The following FGF12 variants were observed in gnomAD, a reference collection of about 807,000 sequenced individuals.
The protein encoded by FGF12 is fibroblast growth factor 12, also known as fibroblast growth factor 12B.
A neutral mutation model predicts 23.6 loss-of-function variants in FGF12; 14 were observed. That is an observed-to-expected ratio of 0.59 (90% CI 0.39 to 0.93). The LOEUF is 0.93. Among genes scored for constraint, FGF12 ranks in the 40% least tolerant of loss-of-function variants. The pLI is 0.00. For missense variants in FGF12, 175 were observed against 217.8 expected (o/e 0.80, Z 1.24); for synonymous variants, 62 against 77.3 (o/e 0.80, Z 1.04).
intron 4 of FGF12, among the ~76,000 whole-genome samples, chr3:192,251,438 A>G (rs1475436913): frequency 7.9e-5 from 12 of 152,168 alleles, no homozygotes; most frequent in Admixed American, 7.2e-4. Flanking sequence ...GACACTATCT[A>G]CTAAAGCTAA....
intron 2 of FGF12, among the ~76,000 whole-genome samples, chr3:192,381,959 G>C (rs1719832472): frequency 6.6e-6 from 1 of 151,560 alleles, no homozygotes; most frequent in African/African-American, 2.4e-5. Flanking sequence ...AGACACATAG[G>C]ACATATAGGG....
chr3:192,141,695 T>C lies in FGF12; in HGVS notation c.*2314A>G, dbSNP rs1416133609. On this transcript the variant is annotated 3_prime_UTR_variant, in exon 6 of 6. Coordinates refer to ENST00000445105, the MANE Select transcript of FGF12 (RefSeq NM_004113.6). ...TTAGTGATTCATATCTCTATTTTTTTCATAACAAACTTAATTAAATATATT... is the reference window on the plus strand; with the variant it reads ...TTAGTGATTCATATCTCTATTTTTTCCATAACAAACTTAATTAAATATATT... 6.6e-6 allele frequency: 1 copy of C among 152,050 alleles called. No homozygotes were observed. Among genetic ancestry groups the C allele is most frequent in the Non-Finnish European group, 1.5e-5 (1 of 67,910 alleles). 9.4% of individuals were successfully genotyped at this position (152,050 alleles called of 1,614,324 possible).
At chr3:192,274,833 T>C (rs138122534) in intron 4 of FGF12, among the ~76,000 whole-genome samples, 1 of 152,312 alleles carries the variant, frequency 6.6e-6, no homozygotes, top group South Asian at 2.1e-4. Context: ...TTCATATCAA[T>C]CACTGTGGAA....
At chr3:192,322,084 AAC>A (rs1716572910) in intron 4 of FGF12, among the ~76,000 whole-genome samples, 1 of 152,104 alleles carries the variant, frequency 6.6e-6, no homozygotes, top group Non-Finnish European at 1.5e-5. Context: ...GACAAAAAAA[AAC>A]ACACAACTCT....
intron 4 of FGF12, among the ~76,000 whole-genome samples, chr3:192,295,773 G>T (rs558866114): frequency 8.9e-4 from 135 of 151,828 alleles, no homozygotes; most frequent in African/African-American, 3.2e-3. Flanking sequence ...AAATCAAATT[G>T]GTATAGACTA....
At chr3:192,518,762 A>T (rs1177531367) in intron 2 of FGF12, among the ~76,000 whole-genome samples, 1 of 152,202 alleles carries the variant, frequency 6.6e-6, no homozygotes, top group Admixed American at 6.5e-5. Flanking sequence ...CCATGCCTGT[A>T]GCTCTCATCT....
At chr3:192,439,863 G>A (rs937328935) in intron 2 of FGF12, among the ~76,000 whole-genome samples, 4 of 151,790 alleles carry the variant, frequency 2.6e-5, no homozygotes, top group African/African-American at 4.8e-5. Context: ...TGTAATCCCA[G>A]CTACTTGGGA....
At chr3:192,606,345 C>T (rs1419287284) in intron 2 of FGF12, among the ~76,000 whole-genome samples, 1 of 151,886 alleles carries the variant, frequency 6.6e-6, no homozygotes, top group Non-Finnish European at 1.5e-5. Context: ...ATATAGACGG[C>T]CGTAACTGAC....
At chr3:192,399,424 A>G (rs1720666225) in intron 2 of FGF12, among the ~76,000 whole-genome samples, 1 of 152,196 alleles carries the variant, frequency 6.6e-6, no homozygotes, top group African/African-American at 2.4e-5. Context: ...AGCCTCTCGA[A>G]CTGTGAAAAA....
chr3:192,693,246 T>C (rs930269688), intron 2 of FGF12, among the ~76,000 whole-genome samples: 11 of 152,100 alleles, frequency 7.2e-5, no homozygotes, highest in African/African-American at 2.4e-4. Context: ...GAAAGATCTG[T>C]ATACTGAAAA....
At chr3:192,166,897 A>C (rs1715190852) in intron 5 of FGF12, among the ~76,000 whole-genome samples, 1 of 152,132 alleles carries the variant, frequency 6.6e-6, no homozygotes, top group Admixed American at 6.6e-5. Flanking sequence ...GAGAGACAAA[A>C]ATCCTTGGAA....
Position 192,523,549 on chromosome 3 carries a change from G to C in FGF12, c.14-163011C>G, listed in dbSNP as rs536573142. ...AAAGACACCAAAACAGTAATAAAGAGCCCTACCCAAGTCTGATAATAAAGA... is the reference window on the plus strand; with the variant it reads ...AAAGACACCAAAACAGTAATAAAGACCCCTACCCAAGTCTGATAATAAAGA... On this transcript the variant is annotated intron_variant, in intron 2 of 5. Coordinates refer to ENST00000445105, the MANE Select transcript of FGF12 (RefSeq NM_004113.6). Among the ~76,000 whole-genome samples the C allele has an allele frequency of 2.6e-5, 4 of 152,178 alleles. No homozygotes were observed. The South Asian group carries it at 8.3e-4, about 32-fold the overall frequency.
chr3:192,503,675 G>A (rs548530276), intron 2 of FGF12, among the ~76,000 whole-genome samples: 8 of 144,934 alleles, frequency 5.5e-5, no homozygotes, highest in African/African-American at 1.8e-4. Flanking sequence ...GCGCAATCTC[G>A]GCTCACTGCA....
At chr3:192,203,843 A>C (rs924120117) in intron 4 of FGF12, among the ~76,000 whole-genome samples, 1 of 151,966 alleles carries the variant, frequency 6.6e-6, no homozygotes. Flanking sequence ...GCCTTAAAAA[A>C]TCCTCCTGCT....
intron 2 of FGF12, among the ~76,000 whole-genome samples, chr3:192,724,192 T>C (rs1719138103): frequency 1.3e-5 from 2 of 152,138 alleles, no homozygotes; most frequent in South Asian, 2.1e-4. Context: ...TTAATGTGCA[T>C]ACAAATTGCC....
At chr3:192,721,928 G>T (rs1719050966) in intron 2 of FGF12, among the ~76,000 whole-genome samples, 2 of 152,092 alleles carry the variant, frequency 1.3e-5, no homozygotes, top group Admixed American at 1.3e-4. Context: ...TAGCCTCCCG[G>T]ATAACCTACT....
At chr3:192,535,182 T>A (rs775265864) in intron 2 of FGF12, among the ~76,000 whole-genome samples, 2 of 152,196 alleles carry the variant, frequency 1.3e-5, no homozygotes, top group Non-Finnish European at 2.9e-5. Context: ...CAAAATCAAC[T>A]ATAATAAGCT....
chr3:192,698,750 C>G (rs1193443369), intron 2 of FGF12, among the ~76,000 whole-genome samples: 1 of 152,110 alleles, frequency 6.6e-6, no homozygotes, highest in Non-Finnish European at 1.5e-5. Context: ...CTTTGGTTCT[C>G]TGGAGATGTG....
At chr3:192,396,448 G>T (rs1720522512) in intron 2 of FGF12, among the ~76,000 whole-genome samples, 1 of 152,194 alleles carries the variant, frequency 6.6e-6, no homozygotes, top group African/African-American at 2.4e-5. Flanking sequence ...ATTGGGCAAT[G>T]GGCCCTAAAA....
Sources: allele counts gnomAD v4.1 joint callset (sites outside exome capture counted in the v4.1 genomes callset), GRCh38; gene constraint gnomAD v4.1.1; transcripts MANE v1.5; gene names NCBI Gene and HGNC (gene_info 2026-07-23, HGNC 2026-07-21).